EXD2: variants seen among roughly 807,000 people sequenced by gnomAD.
EXD2 encodes the protein exonuclease 3'-5' domain-containing protein 2.
In EXD2, 40 loss-of-function variants were observed where a neutral mutation model predicts 62.5. The ratio of observed to expected loss-of-function variants is 0.64; its 90% CI spans 0.50 to 0.83. EXD2 has a LOEUF of 0.83. Ranked by LOEUF, EXD2 falls within the 40% of genes least tolerant of loss-of-function variation. The pLI, the probability that EXD2 is intolerant of heterozygous loss-of-function variation, is 0.00. For synonymous variants in EXD2, 239 were observed against 291.9 expected, an observed-to-expected ratio of 0.82 and a Z score of 1.85; for missense variants, 671 against 761.8, an observed-to-expected ratio of 0.88 and a Z score of 1.40.
At chr14:69,202,147 C>T (rs1256613216) in intron 1 of EXD2, among the ~76,000 whole-genome samples, 2 of 151,700 alleles carry the variant, frequency 1.3e-5, no homozygotes, top group South Asian at 2.1e-4. Context: ...AAAATATTAG[C>T]GGGTGTTGGA....
At chr14:69,204,624 TGAGATTTAG>T (rs2140215179) in intron 2 of EXD2, among the ~76,000 whole-genome samples, 1 of 152,316 alleles carries the variant, frequency 6.6e-6, no homozygotes, top group African/African-American at 2.4e-5. Flanking sequence ...GTTTCACTGA[TGAGATTTAG>T]TGAGGGATCG....
At chr14:69,209,102 T>C (rs1361275235) in intron 2 of EXD2, 1 of 156,726 alleles carries the variant, frequency 6.4e-6, no homozygotes, top group African/African-American at 2.4e-5. Context: ...TAGCTTATTG[T>C]TTTTTTTTCT....
chr14:69,210,936 C>T (rs1050435374), intron 3 of EXD2, among the ~76,000 whole-genome samples: 1 of 152,172 alleles, frequency 6.6e-6, no homozygotes, highest in Non-Finnish European at 1.5e-5. Flanking sequence ...AAGCCTTCAG[C>T]AAGTTGTAAT....
chr14:69,230,564 G>A lies in EXD2; in HGVS notation c.683G>A (p.Ser228Asn). 1 of 1,613,746 alleles carries A rather than the reference G, an allele frequency of 6.2e-7. No individual in the cohort carries two copies. Among genetic ancestry groups the A allele is most frequent in the Non-Finnish European group, 8.5e-7 (1 of 1,179,838 alleles). ...PLDKSLLLRCSNWDAETLTED... is the reference protein window; with the variant it reads ...PLDKSLLLRCNNWDAETLTED... ...GACAAGTCCCTTCTACTTCGTTGCA[G>A]CAACTGGGATGCTGAGACTCTCACA... Residue 228 changes from serine (S) to asparagine (N), a missense_variant, in exon 5 of 10, where the codon AGC becomes AAC. Coordinates refer to ENST00000685843, the MANE Select transcript of EXD2 (RefSeq NM_001193360.2).
At chr14:69,227,600 C>T (rs1469160023) in intron 3 of EXD2, among the ~76,000 whole-genome samples, 2 of 152,156 alleles carry the variant, frequency 1.3e-5, no homozygotes. Flanking sequence ...GTAATCCCAG[C>T]ACTCTGGAAG....
chr14:69,220,253 GTTTTTTTTTTTTTTTTTTT>G (rs869194045), intron 3 of EXD2, among the ~76,000 whole-genome samples: 19 of 35,114 alleles, frequency 5.4e-4, no homozygotes, highest in East Asian at 2.8e-3. Context: ...TTGTCTCTCT[GTTTTTTTTTTTTTTTTTTT>G]TTTTTTTTTT....
chr14:69,241,130 G>T lies in EXD2; in HGVS notation c.*30G>T. 1 of 1,598,378 alleles carries T rather than the reference G, an allele frequency of 6.3e-7. No individual in the cohort carries two copies. Among genetic ancestry groups the T allele is most frequent in the South Asian group, 1.1e-5 (1 of 90,160 alleles). ...TGCTTTCCTCCCAGTTAGGACAAGT[G>T]GGAAGCTGGAGCCAAGGTTGAAGAG... On this transcript the variant is annotated 3_prime_UTR_variant, in exon 10 of 10. Coordinates refer to ENST00000685843, the MANE Select transcript of EXD2 (RefSeq NM_001193360.2).
chr14:69,237,631 A>G lies in EXD2; in HGVS notation c.1349A>G (p.His450Arg), dbSNP rs747890797. 2.5e-6 allele frequency: 4 copies of G among 1,613,934 alleles called. No individual in the cohort carries two copies. In the Admixed American group the frequency reaches 6.7e-5, roughly 27 times the overall value. ...RKHFPIEMKDHNSHDVLLLCT... is the reference protein window; with the variant it reads ...RKHFPIEMKDRNSHDVLLLCT... ...CACTTCCCCATCGAGATGAAGGACC[A>G]CAACTCCCACGATGTGCTGCTGCTC... is the stretch of plus-strand genomic sequence containing the variant. Residue 450 changes from histidine (H) to arginine (R), a missense_variant, in exon 9 of 10, where the codon CAC becomes CGC. His to Arg is a conservative substitution (Grantham distance 29, BLOSUM62 0). Transcript: ENST00000685843.
At chr14:69,236,361 G>T in intron 7 of EXD2, 46 bp from the exon 8 acceptor site, 1 of 1,613,550 alleles carries the variant, frequency 6.2e-7, no homozygotes, top group Non-Finnish European at 8.5e-7. Context: ...GGGTGTGGTG[G>T]TGGGGGCAGG....
intron 1 of EXD2, among the ~76,000 whole-genome samples, chr14:69,201,672 GTTTTTTTTTT>G (rs71102634): frequency 3.9e-4 from 23 of 59,024 alleles, no homozygotes; most frequent in African/African-American, 8.2e-4. Context: ...TGTTTTCTCT[GTTTTTTTTTT>G]TTTTTTTTTT....
intron 8 of EXD2, 46 bp from the exon 9 acceptor site, chr14:69,237,529 C>G: frequency 1.9e-6 from 3 of 1,577,602 alleles, no homozygotes; most frequent in Non-Finnish European, 2.6e-6. Context: ...CCCATGTGCT[C>G]TGTCATACAC....
chr14:69,195,974 A>G (rs780428710), intron 1 of EXD2: 2 of 152,254 alleles, frequency 1.3e-5, no homozygotes, highest in Admixed American at 1.3e-4. Context: ...TAAGGAAGCT[A>G]GAAGTTCAAA....
chr14:69,212,732 AG>A (rs1256172581), intron 3 of EXD2, among the ~76,000 whole-genome samples: 1 of 124,020 alleles, frequency 8.1e-6, no homozygotes, highest in Non-Finnish European at 1.7e-5. Flanking sequence ...TTTTGAGACA[AG>A]ATCTTACTCT....
intron 8 of EXD2, 133 bp downstream of exon 8, chr14:69,236,675 T>A (rs143916262): frequency 4.0e-4 from 475 of 1,194,798 alleles, no homozygotes; most frequent in Non-Finnish European, 5.2e-4. Flanking sequence ...AGTATCCAGC[T>A]TCCCCAAGAG....
chr14:69,240,800 C>A (rs896880477), intron 9 of EXD2, 84 bp from the exon 10 acceptor site: 25 of 1,222,476 alleles, frequency 2.0e-5, no homozygotes, highest in Non-Finnish European at 2.4e-5. Context: ...CCCCAGTTAC[C>A]CTTGGCGCGC....
rs895556040 is a variant in EXD2, at chr14:69,243,252, A to G, written c.*2152A>G. ...TGAGGGTAGACTTATTTTATGGCAAATGTCTATTTTTCTGATATAAAAGTA... is the reference window on the plus strand; with the variant it reads ...TGAGGGTAGACTTATTTTATGGCAAGTGTCTATTTTTCTGATATAAAAGTA... On this transcript the variant is annotated 3_prime_UTR_variant, in exon 10 of 10. Coordinates refer to ENST00000685843, the MANE Select transcript of EXD2 (RefSeq NM_001193360.2). The G allele has an allele frequency of 6.6e-6, 1 of 152,228 alleles. No individual in the cohort carries two copies. The highest frequency in any genetic ancestry group is 6.5e-5 in the Admixed American group (1 of 15,284). 9.4% of individuals were successfully genotyped at this position (152,228 alleles called of 1,614,324 possible).
At chr14:69,229,147 A>C in intron 4 of EXD2, 75 bp downstream of exon 4, 1 of 1,563,830 alleles carries the variant, frequency 6.4e-7, no homozygotes, top group Non-Finnish European at 8.7e-7. Flanking sequence ...GATGCCTGGG[A>C]CTCAATAGTG....
At chr14:69,205,352 C>T (rs2042555150) in intron 2 of EXD2, among the ~76,000 whole-genome samples, 1 of 152,130 alleles carries the variant, frequency 6.6e-6, no homozygotes, top group Non-Finnish European at 1.5e-5. Context: ...TGCTTCGCCT[C>T]AGTATGTTTT....
chr14:69,228,704 G>T, intron 3 of EXD2, 112 bp from the exon 4 acceptor site: 1 of 1,381,616 alleles, frequency 7.2e-7, no homozygotes, highest in Non-Finnish European at 9.8e-7. Context: ...CTGGTCAGAT[G>T]CTACCTTTGG....
Sources: allele counts gnomAD v4.1 joint callset (sites outside exome capture counted in the v4.1 genomes callset), GRCh38; gene constraint gnomAD v4.1.1; transcripts MANE v1.5; gene names NCBI Gene and HGNC (gene_info 2026-07-23, HGNC 2026-07-21).